The following WDR90 variants were observed in gnomAD, a reference collection of about 807,000 sequenced individuals.
WDR90 encodes WD repeat domain 90.
WDR90 carries 238 observed loss-of-function variants against 195.2 expected under a neutral mutation model. The ratio of observed to expected loss-of-function variants is 1.22; its 90% confidence interval spans 1.10 to 1.36. The LOEUF is 1.36. Ranked by LOEUF, WDR90 falls within the 40% of genes most tolerant of loss-of-function variation. The pLI is 0.00. For missense variants in WDR90, 2,734 were observed against 2,439.5 expected (o/e 1.12, Z -2.54); for synonymous variants, 1,265 against 1,052.4 (o/e 1.20, Z -3.91).
At chr16:652,652 G>A in intron 10 of WDR90, 117 bp downstream of exon 10, 1 of 1,135,828 alleles carries the variant, frequency 8.8e-7, no homozygotes, top group Non-Finnish European at 1.2e-6. Flanking sequence ...GGGCTCCCGA[G>A]CCCCCCTGGC....
intron 34 of WDR90, 56 bp from the exon 35 acceptor site, chr16:665,623 G>A (rs186987766): frequency 8.4e-5 from 136 of 1,610,890 alleles, no homozygotes; most frequent in Admixed American, 6.2e-4. Context: ...AAATGCCTGC[G>A]TCCCTTTACC....
chr16:651,092 C>T lies in WDR90; in HGVS notation c.657C>T (p.Tyr219=), dbSNP rs771955082. The T allele has an allele frequency of 6.2e-7, 1 of 1,609,014 alleles. No individual in the cohort carries two copies. Among genetic ancestry groups the T allele is most frequent in the Non-Finnish European group, 8.5e-7 (1 of 1,177,090 alleles). ...AGGGAGAGAGCTGGCATGACCGCTA[C>T]ATCCACGTCCGGTGAGTGGTTCTGC... ...VPKGESWHDR[Y]IHVRFPSESL... Residue 219 remains tyrosine (Y), a synonymous_variant, in exon 6 of 41, where the codon TAC becomes TAT. Coordinates refer to ENST00000293879, the MANE Select transcript of WDR90 (RefSeq NM_145294.5).
intron 31 of WDR90, 34 bp downstream of exon 31, chr16:661,821 GT>G (rs1379788276): frequency 3.2e-6 from 5 of 1,586,924 alleles, no homozygotes; most frequent in South Asian, 2.3e-5. Context: ...CCCAGGGGTT[GT>G]TTTGTGGGGT....
At chr16:660,035 A>T in intron 26 of WDR90, 23 bp from the exon 27 acceptor site, 3 of 1,522,568 alleles carry the variant, frequency 2.0e-6, no homozygotes, top group Non-Finnish European at 1.8e-6. Context: ...GTAATGCCAC[A>T]AGCTCTGCCT....
Position 653,388 on chromosome 16 carries a change from G to T in WDR90, c.1170G>T (p.Ala390=). The change falls in exon 11 of 41, where the codon GCG becomes GCT. Residue 390 remains alanine (A), a synonymous_variant. Transcript: ENST00000293879. ...DGAAVVYPCH[A]VIVVLLVDTG... is the part of the protein sequence containing the mutation. Reference sequence around the variant, plus strand: ...CGGCTGTCGTGTACCCCTGCCATGCGGTCATCGTCGTCCTGCTCGTGGACA... The same window carrying T: ...CGGCTGTCGTGTACCCCTGCCATGCTGTCATCGTCGTCCTGCTCGTGGACA... The T allele has an allele frequency of 2.5e-6, 4 of 1,604,552 alleles. No individual in the cohort carries two copies. Among genetic ancestry groups the T allele is most frequent in the Middle Eastern group, 1.7e-4 (1 of 5,988 alleles).
chr16:662,446 T>A, intron 33 of WDR90, 115 bp downstream of exon 33: 1 of 1,346,112 alleles, frequency 7.4e-7, no homozygotes, highest in Non-Finnish European at 1.0e-6. Context: ...GGCCGCCTGC[T>A]AGCCCCTCCA....
intron 4 of WDR90, 36 bp from the exon 5 acceptor site, chr16:650,500 CAGG>C: frequency 6.3e-7 from 1 of 1,588,322 alleles, no homozygotes; most frequent in South Asian, 1.1e-5. Context: ...CGCGGGCTGT[CAGG>C]AGGGTGGGCG....
In WDR90 at chr16:658,657, T is replaced by C; in HGVS notation, c.2895+4T>C. 6.2e-7 allele frequency: 1 copy of C among 1,605,108 alleles called. No individual in the cohort carries two copies. The highest frequency in any genetic ancestry group is 8.5e-7 in the Non-Finnish European group (1 of 1,174,200). On this transcript the variant is annotated splice_donor_region_variant and intron_variant, in intron 23 of 40. Coordinates refer to ENST00000293879, the MANE Select transcript of WDR90 (RefSeq NM_145294.5). ...ACAGGCCAGCCCAGGCCCCCAGGTG[T>C]GTGCGTGGGGAGGCAGGTGGCTTTG...
rs540359998 is a variant in WDR90, at chr16:661,811, C to T, written c.3864+24C>T. The T allele has an allele frequency of 8.6e-5, 137 of 1,587,552 alleles. No homozygotes were observed. The South Asian group carries it at 1.3e-3, about 15-fold the overall frequency. On this transcript the variant is annotated intron_variant, in intron 31 of 40. Transcript: ENST00000293879. ...AGGTGCCACCCGTTCAGCGTTTGGG[C>T]CCAGGGGTTGTTTTGTGGGGTGGAA...
chr16:649,291 G>A, upstream of WDR90: 2 of 1,178,924 alleles, frequency 1.7e-6, no homozygotes, highest in Non-Finnish European at 1.1e-6. Flanking sequence ...TGGCCAGGGC[G>A]CCGCCATGAC....
In WDR90 at chr16:663,064, G is replaced by C. The variant is rs1270155529; in HGVS notation, c.4311+220G>C. 9 of 722,274 alleles carry C rather than the reference G, an allele frequency of 1.2e-5. No individual in the cohort carries two copies. The Admixed American group carries it at 1.4e-4, about 11-fold the overall frequency. The allele number at this position is 722,274 out of a possible 1,614,324, so 44.7% of individuals were successfully genotyped here. ...AGCGAGCCGCCTGGCAGGCCTTGCAGGTCTTCTCAAACTGTCCTTTCCCTG... is the reference window on the plus strand; with the variant it reads ...AGCGAGCCGCCTGGCAGGCCTTGCACGTCTTCTCAAACTGTCCTTTCCCTG... On this transcript the variant is annotated intron_variant, in intron 34 of 40. Coordinates refer to ENST00000293879, the MANE Select transcript of WDR90 (RefSeq NM_145294.5).
intron 23 of WDR90, 55 bp downstream of exon 23, chr16:658,708 C>T: frequency 6.3e-7 from 1 of 1,584,826 alleles, no homozygotes; most frequent in Admixed American, 1.7e-5. Flanking sequence ...CTCAGGTGGC[C>T]CTGGAGACCC....
At chr16:653,303 G>T in intron 10 of WDR90, 38 bp from the exon 11 acceptor site, 1 of 1,454,554 alleles carries the variant, frequency 6.9e-7, no homozygotes, top group Non-Finnish European at 9.1e-7. Flanking sequence ...GGGGCCTGGC[G>T]TAGCACCGGT....
At chr16:649,538 C>T (rs2075155375) in intron 1 of WDR90, 112 bp downstream of exon 1, 1 of 1,249,448 alleles carries the variant, frequency 8.0e-7, no homozygotes, top group Admixed American at 4.2e-5. Flanking sequence ...GCCAGAGTCC[C>T]CGCTCAGGCA....
Position 666,923 on chromosome 16 carries a change from C to G in WDR90, c.5023C>G (p.Leu1675Val). Residue 1675 changes from leucine (L) to valine (V), a missense_variant, in exon 40 of 41, where the codon CTG becomes GTG. By Grantham distance (32) the Leu-to-Val change is conservative. Coordinates refer to ENST00000293879, the MANE Select transcript of WDR90 (RefSeq NM_145294.5). ...CTCACAGGTGGTGGAGAAGATACCA[C>G]TGCCCTTTTTTGCCATGTCCCTGAG... is the stretch of plus-strand genomic sequence containing the variant. Reference protein sequence around the residue: ...CQKQVVEKIPLPFFAMSLSLS... With the variant: ...CQKQVVEKIPVPFFAMSLSLS... The G allele has an allele frequency of 1.2e-6, 2 of 1,613,160 alleles. No individual in the cohort carries two copies. The highest frequency in any genetic ancestry group is 1.7e-6 in the Non-Finnish European group (2 of 1,179,802).
In WDR90 at chr16:661,070, C is replaced by T. The variant is rs755274328; in HGVS notation, c.3411C>T (p.Cys1137=). 8 of 1,503,702 alleles carry T rather than the reference C, an allele frequency of 5.3e-6. No homozygotes were observed. In the East Asian group the frequency reaches 8.8e-5, roughly 17 times the overall value. The allele number at this position is 1,503,702 out of a possible 1,614,324, so 93.1% of individuals were successfully genotyped here. A position where few individuals can be genotyped will look rare whatever the true frequency, so the allele number is the denominator to read the frequency against. The change falls in exon 29 of 41, where the codon TGC becomes TGT. Residue 1137 remains cysteine (C), a synonymous_variant. Coordinates refer to ENST00000293879, the MANE Select transcript of WDR90 (RefSeq NM_145294.5). ...RPDTGFFAYT[C]GRLVVVEDLH... is the part of the protein sequence containing the mutation. Reference sequence around the variant, plus strand: ...GCACAGGCTTCTTTGCCTACACGTGCGGCCGCCTGGTGGTGGTGGAGGACC... The same window carrying T: ...GCACAGGCTTCTTTGCCTACACGTGTGGCCGCCTGGTGGTGGTGGAGGACC...
rs756527576 is a variant in WDR90 at position 657,893 on chromosome 16, G to A, written c.2604+1G>A. The A allele has an allele frequency of 1.7e-5, 26 of 1,570,870 alleles. No homozygotes were observed. Among genetic ancestry groups the A allele is most frequent in the Non-Finnish European group, 1.9e-5 (22 of 1,157,500 alleles). ...CATGGGCTCGGCCTCCCTTGATGAGGTGAGTCCGCAGCCCTCCTGGGTCCA... is the reference window on the plus strand; with the variant it reads ...CATGGGCTCGGCCTCCCTTGATGAGATGAGTCCGCAGCCCTCCTGGGTCCA... On this transcript the variant is annotated splice_donor_variant, in intron 21 of 40. Transcript: ENST00000293879. LOFTEE classifies it high-confidence loss of function.
chr16:660,572 A>G lies in WDR90; in HGVS notation c.3289-40A>G. 2.6e-6 allele frequency: 4 copies of G among 1,542,072 alleles called. No homozygotes were observed. The Middle Eastern group carries it at 5.0e-4, about 194-fold the overall frequency. On this transcript the variant is annotated intron_variant, in intron 27 of 40. Coordinates refer to ENST00000293879, the MANE Select transcript of WDR90 (RefSeq NM_145294.5). ...TGCAGGCTTTGGGGCACAGGTGGCCATGCTGGGCCCCAGCAGCATCCGGGT... is the reference window on the plus strand; with the variant it reads ...TGCAGGCTTTGGGGCACAGGTGGCCGTGCTGGGCCCCAGCAGCATCCGGGT...
At chr16:658,046 G>A (rs1026626585) in intron 21 of WDR90, 137 bp from the exon 22 acceptor site, 26 of 1,451,290 alleles carry the variant, frequency 1.8e-5, no homozygotes, top group Admixed American at 7.3e-5. Context: ...GCCCACGTGC[G>A]GCCAGGTTCC....
Sources: allele counts gnomAD v4.1 joint callset, GRCh38; gene constraint gnomAD v4.1.1; transcripts MANE v1.5; gene names NCBI Gene and HGNC (gene_info 2026-07-23, HGNC 2026-07-21).